Variants in MGAM observed in about 807,000 individuals in gnomAD.
The protein encoded by MGAM is maltase-glucoamylase.
A neutral mutation model predicts 358.8 loss-of-function variants in MGAM; 253 were observed. The ratio of observed to expected loss-of-function variants is 0.71; its 90% CI spans 0.64 to 0.78. The LOEUF is 0.78. MGAM is among the 30% of genes least tolerant of loss of function. The probability of loss-of-function intolerance (pLI) is 0.00; values close to 1 mark genes in which losing one functional copy is unlikely to be tolerated. For synonymous variants in MGAM, 1,105 were observed against 1,227.1 expected, an observed-to-expected ratio of 0.90 and a Z score of 2.08; for missense variants, 3,080 against 3,432.6, an observed-to-expected ratio of 0.90 and a Z score of 2.57.
At chr7:142,035,819 G>A (rs1365895807) in intron 16 of MGAM, among the ~76,000 whole-genome samples, 2 of 152,128 alleles carry the variant, frequency 1.3e-5, no homozygotes, top group African/African-American at 2.4e-5. Context: ...AATGCTGATA[G>A]TGGTGAGGTC....
chr7:142,070,740 C>T (rs957693931), intron 43 of MGAM, among the ~76,000 whole-genome samples: 1 of 146,244 alleles, frequency 6.8e-6, no homozygotes, highest in African/African-American at 2.4e-5. Flanking sequence ...TGTAGCAGTT[C>T]TTCCTGTTAC....
chr7:142,013,240 G>T (rs1554454952), intron 3 of MGAM, among the ~76,000 whole-genome samples: 3 of 152,068 alleles, frequency 2.0e-5, no homozygotes, highest in Non-Finnish European at 4.4e-5. Context: ...TCAGCACTGG[G>T]AATAGGGTGG....
intron 57 of MGAM, among the ~76,000 whole-genome samples, chr7:142,088,484 T>C (rs1814970294): frequency 7.0e-6 from 1 of 142,064 alleles, no homozygotes. Flanking sequence ...TATCTACCTA[T>C]CTCAGTCTAT....
At chr7:142,023,754 C>T (rs922790714) in intron 7 of MGAM, among the ~76,000 whole-genome samples, 12 of 152,110 alleles carry the variant, frequency 7.9e-5, no homozygotes, top group African/African-American at 2.9e-4. Flanking sequence ...AGGCTCTGTA[C>T]TGTACATATG....
intron 26 of MGAM, among the ~76,000 whole-genome samples, chr7:142,053,315 C>T (rs1811194269): frequency 6.6e-6 from 1 of 151,998 alleles, no homozygotes; most frequent in African/African-American, 2.4e-5. Context: ...GTGGACCCGT[C>T]TGAGGTTGAG....
At chr7:142,063,380 G>A (rs1181674569) in intron 35 of MGAM, 119 bp from the exon 36 acceptor site, 7 of 1,197,490 alleles carry the variant, frequency 5.8e-6, no homozygotes, top group Non-Finnish European at 8.3e-6. Flanking sequence ...AAGCTCCCAG[G>A]GCTGGCATCT....
intron 21 of MGAM, among the ~76,000 whole-genome samples, chr7:142,044,324 A>T (rs1267831262): frequency 7.1e-6 from 1 of 140,698 alleles, no homozygotes; most frequent in South Asian, 2.1e-4. Context: ...CACATACGAT[A>T]TATAATATAT....
chr7:142,008,928 C>T (rs534615970), intron 3 of MGAM, among the ~76,000 whole-genome samples: 25 of 152,086 alleles, frequency 1.6e-4, no homozygotes, highest in Non-Finnish European at 3.4e-4. Context: ...CCAGATTCAG[C>T]AAATAAAAGT....
In MGAM at chr7:142,052,985, G is replaced by A. The variant is rs1811161478; in HGVS notation, c.3159+1G>A. The A allele has an allele frequency of 1.9e-6, 3 of 1,613,396 alleles. No individual in the cohort carries two copies. The highest frequency in any genetic ancestry group is 2.5e-6 in the Non-Finnish European group (3 of 1,179,520). On this transcript the variant is annotated splice_donor_variant, in intron 26 of 70. Transcript: ENST00000475668. LOFTEE classifies it high-confidence loss of function. ...TAAGAATGAAATGCTGCAGTTCAAG[G>A]TAAACACAGTACATGTATCAGGTAG...
intron 7 of MGAM, among the ~76,000 whole-genome samples, chr7:142,022,662 G>T (rs1311152673): frequency 6.6e-6 from 1 of 152,162 alleles, no homozygotes; most frequent in East Asian, 1.9e-4. Context: ...CAATAGGGTT[G>T]TGGTGAGGAT....
Position 142,088,808 on chromosome 7 carries a change from TC to T in MGAM, c.6810+2093del, listed in dbSNP as rs1376131752. 2.0e-3 allele frequency among the ~76,000 whole-genome samples: 244 copies of T among 122,588 alleles called. 11 individuals carry two copies. Among genetic ancestry groups the T allele is most frequent in the East Asian group, 7.0e-3 (28 of 4,002 alleles). The allele number at this position is 122,588 out of a possible 152,430, so 80.4% of individuals were successfully genotyped here. On this transcript the variant is annotated intron_variant, in intron 57 of 70. Coordinates refer to ENST00000475668, the MANE Select transcript of MGAM (RefSeq NM_001365693.1). Reference sequence around the variant, plus strand: ...ATCTATCTATCTATCTATCATTCTATCCTATCTATGTACCATCTATCTATCT... The same window carrying T: ...ATCTATCTATCTATCTATCATTCTATCTATCTATGTACCATCTATCTATCT...
Position 142,088,480 on chromosome 7 carries a change from C to CTAT in MGAM, c.6810+1763_6810+1764insTAT, listed in dbSNP as rs1470765600. Among the ~76,000 whole-genome samples the CTAT allele has an allele frequency of 1.5e-4, 21 of 142,098 alleles. 2 individuals are homozygous for CTAT. The highest frequency in any genetic ancestry group is 9.5e-5 in the Non-Finnish European group (6 of 62,978). The allele number at this position is 142,098 out of a possible 152,430, so 93.2% of individuals were successfully genotyped here. A position where few individuals can be genotyped will look rare whatever the true frequency, so the allele number is the denominator to read the frequency against. On this transcript the variant is annotated intron_variant, in intron 57 of 70. Transcript: ENST00000475668. ...ATGTATGTACGTATCTATCTATCTA[C>CTAT]CTATCTCAGTCTATCATATCTATGT...
intron 34 of MGAM, among the ~76,000 whole-genome samples, chr7:142,061,862 T>C (rs1160523269): frequency 6.6e-6 from 1 of 152,194 alleles, no homozygotes; most frequent in African/African-American, 2.4e-5. Flanking sequence ...GCAATATAAA[T>C]ATCACTCAGA....
At chr7:142,071,787 CA>C (rs1225754035) in intron 44 of MGAM, among the ~76,000 whole-genome samples, 1 of 145,626 alleles carries the variant, frequency 6.9e-6, no homozygotes, top group Non-Finnish European at 1.6e-5. Context: ...AAAGTGGATT[CA>C]AAAAAACCCT....
chr7:142,025,817 A>G (rs1325677020), intron 8 of MGAM, among the ~76,000 whole-genome samples: 4 of 152,222 alleles, frequency 2.6e-5, no homozygotes, highest in Admixed American at 6.5e-5. Flanking sequence ...ATTCTCCACC[A>G]CAGATATCCG....
intron 35 of MGAM, among the ~76,000 whole-genome samples, chr7:142,062,946 C>T (rs1040708323): frequency 6.6e-6 from 1 of 152,184 alleles, no homozygotes; most frequent in Non-Finnish European, 1.5e-5. Flanking sequence ...CGCCTGTAAT[C>T]CCAGCACTTT....
Position 142,021,733 on chromosome 7 carries a change from GT to G in MGAM, c.710del (p.Leu237CysfsTer42). 1 of 1,613,862 alleles carries G rather than the reference GT, an allele frequency of 6.2e-7. No homozygotes were observed. Among genetic ancestry groups the G allele is most frequent in the East Asian group, 2.2e-5 (1 of 44,872 alleles). ...IKVTRRSNNR[V>X]LFDSSIGPLL... ...AGTGACCAGAAGAAGCAACAATCGT[GT>G]TTTGTAAGTTTTGGAAACCTATCTA... is the stretch of plus-strand genomic sequence containing the variant. On this transcript the variant is annotated frameshift_variant, in exon 6 of 71. Coordinates refer to ENST00000475668, the MANE Select transcript of MGAM (RefSeq NM_001365693.1). LOFTEE classifies it high-confidence loss of function.
chr7:141,995,776 T>C (rs1206433422), upstream of MGAM: 2 of 152,222 alleles, frequency 1.3e-5, no homozygotes, highest in African/African-American at 4.8e-5. Context: ...AAATAAAAGC[T>C]GGCCATTCAT....
chr7:142,050,166 T>C, intron 22 of MGAM, 69 bp from the exon 23 acceptor site: 2 of 1,466,796 alleles, frequency 1.4e-6, no homozygotes, highest in Non-Finnish European at 1.9e-6. Context: ...CTGAAAGGAG[T>C]GGTAGGGTGA....
Sources: allele counts gnomAD v4.1 joint callset (sites outside exome capture counted in the v4.1 genomes callset), GRCh38; gene constraint gnomAD v4.1.1; transcripts MANE v1.5; gene names NCBI Gene and HGNC (gene_info 2026-07-23, HGNC 2026-07-21).